The following NXPH1 variants were observed in gnomAD, a reference collection of about 807,000 sequenced individuals.
NXPH1 encodes neurexophilin-1.
NXPH1 carries 5 observed loss-of-function variants against 23.7 expected under a neutral mutation model. The observed-to-expected ratio is 0.21, with a 90% CI of 0.11 to 0.44. The LOEUF is 0.44. NXPH1 is among the 20% of genes least tolerant of loss of function. NXPH1 has a pLI of 0.99. For synonymous variants in NXPH1, 144 were observed against 122.2 expected, an observed-to-expected ratio of 1.18 and a Z score of -1.18; for missense variants, 324 against 321.6, an observed-to-expected ratio of 1.01 and a Z score of -0.06.
intron 2 of NXPH1, among the ~76,000 whole-genome samples, chr7:8,595,587 T>C (rs2128626195): frequency 6.6e-6 from 1 of 152,198 alleles, no homozygotes; most frequent in African/African-American, 2.4e-5. Context: ...TAGGCATTTG[T>C]TTGAAAAGTA....
rs373507939 is a variant in NXPH1, at chr7:8,491,917, A to G, written c.54+56150A>G. 1.1e-4 allele frequency among the ~76,000 whole-genome samples: 17 copies of G among 152,150 alleles called. No individual in the cohort carries two copies. In the East Asian group the frequency reaches 2.5e-3, roughly 23 times the overall value. ...GCCTTTTAGTTTATGATCAAAATCA[A>G]TGAGGACTGAAGCTTTCCACAGCCA... On this transcript the variant is annotated intron_variant, in intron 2 of 2. Transcript: ENST00000405863.
At chr7:8,746,690 G>C (rs914886794) in intron 2 of NXPH1, among the ~76,000 whole-genome samples, 1 of 152,058 alleles carries the variant, frequency 6.6e-6, no homozygotes, top group Non-Finnish European at 1.5e-5. Context: ...TGTGGTATGA[G>C]CACTTAATGT....
In NXPH1 at chr7:8,435,881, G is replaced by A; in HGVS notation, c.54+114G>A. 1 of 1,017,748 alleles carries A rather than the reference G, an allele frequency of 9.8e-7. No individual in the cohort carries two copies. The highest frequency in any genetic ancestry group is 1.6e-6 in the Non-Finnish European group (1 of 640,226). 63.0% of individuals were successfully genotyped at this position (1,017,748 alleles called of 1,614,324 possible). On this transcript the variant is annotated intron_variant, in intron 2 of 2. Transcript: ENST00000405863. This position sits in a 1 kb window ranked among gnomAD's most constrained non-coding sequence, Gnocchi z 5.9. ...CCAGTTCAGTGAGAGCAGCTTCCTA[G>A]CAGCTGTGTTGGAGCAACTTTGGCA...
intron 2 of NXPH1, among the ~76,000 whole-genome samples, chr7:8,524,125 C>T (rs1472031151): frequency 2.0e-5 from 3 of 151,032 alleles, no homozygotes; most frequent in East Asian, 3.9e-4. Flanking sequence ...ACCTGTAATC[C>T]CAGCTACTCA....
At chr7:8,481,859 T>G (rs958162786) in intron 2 of NXPH1, among the ~76,000 whole-genome samples, 32 of 152,262 alleles carry the variant, frequency 2.1e-4, no homozygotes, top group African/African-American at 7.5e-4. Context: ...CAGTGTCTAT[T>G]GTTACCATCC....
At chr7:8,725,209 G>T (rs535233589) in intron 2 of NXPH1, among the ~76,000 whole-genome samples, 1 of 152,286 alleles carries the variant, frequency 6.6e-6, no homozygotes, top group South Asian at 2.1e-4. Context: ...CCCATTGTAG[G>T]ACAGGCGCTG....
intron 2 of NXPH1, among the ~76,000 whole-genome samples, chr7:8,748,806 C>T (rs1780516246): frequency 6.6e-6 from 1 of 152,140 alleles, no homozygotes; most frequent in African/African-American, 2.4e-5. Context: ...ATCTCTGATG[C>T]AATGAATTTT....
chr7:8,469,540 A>G lies in NXPH1; in HGVS notation c.54+33773A>G, dbSNP rs185954360. Among the ~76,000 whole-genome samples, 216 of 152,132 alleles carry G rather than the reference A, an allele frequency of 1.4e-3. 1 individual carries two copies. The highest frequency in any genetic ancestry group is 5.0e-3 in the African/African-American group (206 of 41,532). ...TCGTTCCCTCTCCTCTCATCCTTTCATGAAACTACTAGTCTTTTATCTCTC... is the reference window on the plus strand; with the variant it reads ...TCGTTCCCTCTCCTCTCATCCTTTCGTGAAACTACTAGTCTTTTATCTCTC... On this transcript the variant is annotated intron_variant, in intron 2 of 2. Transcript: ENST00000405863.
intron 2 of NXPH1, among the ~76,000 whole-genome samples, chr7:8,593,185 T>G (rs1819138433): frequency 6.6e-6 from 1 of 151,696 alleles, no homozygotes. Flanking sequence ...TTTTTTTTTT[T>G]TCTATTTGTC....
At chr7:8,605,504 C>T (rs141335441) in intron 2 of NXPH1, among the ~76,000 whole-genome samples, 1 of 152,244 alleles carries the variant, frequency 6.6e-6, no homozygotes, top group Non-Finnish European at 1.5e-5. Flanking sequence ...AGCAACATTA[C>T]TTGTCACAGA....
At chr7:8,649,832 G>A (rs1010119911) in intron 2 of NXPH1, among the ~76,000 whole-genome samples, 6 of 152,236 alleles carry the variant, frequency 3.9e-5, no homozygotes, top group South Asian at 2.1e-4. Flanking sequence ...TGGGTAGTGG[G>A]TATGTTCAGG....
chr7:8,694,398 G>T, intron 2 of NXPH1, among the ~76,000 whole-genome samples: 1 of 152,220 alleles, frequency 6.6e-6, no homozygotes, highest in Non-Finnish European at 1.5e-5. Flanking sequence ...CAGTGCTTTT[G>T]GGGGAACCAC....
At chr7:8,703,885 G>T (rs1423010549) in intron 2 of NXPH1, among the ~76,000 whole-genome samples, 1 of 151,942 alleles carries the variant, frequency 6.6e-6, no homozygotes, top group South Asian at 2.1e-4. Flanking sequence ...CAGTACAAAG[G>T]GATGTTTTTG....
At chr7:8,710,898 A>T (rs988749683) in intron 2 of NXPH1, among the ~76,000 whole-genome samples, 1 of 147,516 alleles carries the variant, frequency 6.8e-6, no homozygotes, top group Non-Finnish European at 1.5e-5. Flanking sequence ...TCCTGACCTC[A>T]TGATCCACCC....
intron 2 of NXPH1, among the ~76,000 whole-genome samples, chr7:8,467,244 A>T (rs1816800802): frequency 1.3e-5 from 2 of 152,312 alleles, no homozygotes; most frequent in South Asian, 4.1e-4. Flanking sequence ...AATCTGGTTT[A>T]AAAGGTCAAT....
chr7:8,738,614 G>T (rs1780304107), intron 2 of NXPH1, among the ~76,000 whole-genome samples: 1 of 152,164 alleles, frequency 6.6e-6, no homozygotes, highest in Non-Finnish European at 1.5e-5. Context: ...GGACCCACTT[G>T]AGGAGGCAGT....
intron 2 of NXPH1, among the ~76,000 whole-genome samples, chr7:8,571,472 GCAGCC>G (rs1284600237): frequency 3.9e-4 from 59 of 151,936 alleles, no homozygotes; most frequent in African/African-American, 1.4e-3. Context: ...TGCATATTAA[GCAGCC>G]TGTAGGACAT....
intron 2 of NXPH1, among the ~76,000 whole-genome samples, chr7:8,706,692 C>A (rs959968880): frequency 6.6e-6 from 1 of 152,150 alleles, no homozygotes; most frequent in African/African-American, 2.4e-5. Context: ...AGACACTATT[C>A]CTGGGCTCAA....
intron 2 of NXPH1, among the ~76,000 whole-genome samples, chr7:8,461,785 G>A (rs1373601470): frequency 4.3e-5 from 6 of 139,878 alleles, no homozygotes; most frequent in African/African-American, 1.1e-4. Context: ...AGCTGAGATC[G>A]CGCCACTGCA....
Sources: allele counts gnomAD v4.1 joint callset (sites outside exome capture counted in the v4.1 genomes callset), GRCh38; gene constraint gnomAD v4.1.1; non-coding constraint Gnocchi (gnomAD v3.1); transcripts MANE v1.5; gene names NCBI Gene and HGNC (gene_info 2026-07-23, HGNC 2026-07-21).